The following GLIS3 variants were observed in gnomAD, a reference collection of about 807,000 sequenced individuals.
GLIS3 encodes the protein GLIS family zinc finger 3.
Under a neutral mutation model 78.6 loss-of-function variants are expected in GLIS3, and 53 were observed. The observed-to-expected ratio is 0.67, with a 90% CI of 0.54 to 0.85. The LOEUF (loss-of-function observed/expected upper bound fraction) is 0.85. Among genes scored for constraint, GLIS3 ranks in the 40% least tolerant of loss-of-function variants. GLIS3 has a pLI of 0.00. For synonymous variants in GLIS3, 684 were observed against 509.9 expected (o/e 1.34, Z -4.60); for missense variants, 1,703 against 1,231.1 (o/e 1.38, Z -5.74).
intron 2 of GLIS3, among the ~76,000 whole-genome samples, chr9:4,168,460 C>A (rs1050506670): frequency 1.3e-5 from 2 of 152,140 alleles, no homozygotes; most frequent in Non-Finnish European, 2.9e-5. Flanking sequence ...AATGTTCCCA[C>A]AACAAAGTCA....
intron 4 of GLIS3, among the ~76,000 whole-genome samples, chr9:4,010,944 G>C (rs1268741050): frequency 2.0e-5 from 3 of 152,150 alleles, no homozygotes; most frequent in Non-Finnish European, 4.4e-5. Flanking sequence ...CATGTGTATG[G>C]ATGTACTTAG....
At chr9:3,832,076 C>A in intron 9 of GLIS3, among the ~76,000 whole-genome samples, 1 of 151,808 alleles carries the variant, frequency 6.6e-6, no homozygotes, top group Non-Finnish European at 1.5e-5. Flanking sequence ...TGGCAAATTA[C>A]TTAGCTTCTT....
intron 4 of GLIS3, among the ~76,000 whole-genome samples, chr9:4,113,346 G>A (rs1041147139): frequency 1.3e-5 from 2 of 151,948 alleles, no homozygotes; most frequent in South Asian, 4.2e-4. Context: ...GCTTCTCTAG[G>A]GTAGGCACCT....
chr9:4,187,111 G>A (rs1817877577), intron 2 of GLIS3, among the ~76,000 whole-genome samples: 3 of 152,112 alleles, frequency 2.0e-5, no homozygotes, highest in African/African-American at 7.2e-5. Flanking sequence ...TTTTCTTCCA[G>A]GGTTTTTATG....
chr9:3,845,733 A>T lies in GLIS3; in HGVS notation c.2473+10276T>A, dbSNP rs138998892. 5.6e-3 allele frequency among the ~76,000 whole-genome samples: 850 copies of T among 152,280 alleles called. 6 individuals are homozygous for T. The highest frequency in any genetic ancestry group is 0.017 in the Middle Eastern group (5 of 294). The stretch of plus-strand genomic sequence containing the variant: ...TGTACACATACACACGTGCATGCCC[A>T]CGCACGCACACACACACCCACACAC... On this transcript the variant is annotated intron_variant, in intron 9 of 10. Coordinates refer to ENST00000381971, the MANE Select transcript of GLIS3 (RefSeq NM_001042413.2).
intron 2 of GLIS3, among the ~76,000 whole-genome samples, chr9:4,181,089 G>A (rs1054863555): frequency 3.9e-4 from 59 of 152,216 alleles, no homozygotes; most frequent in Non-Finnish European, 3.1e-4. Context: ...ACTCTAAGAT[G>A]AGCAGATGCC....
intron 4 of GLIS3, among the ~76,000 whole-genome samples, chr9:4,083,490 T>C (rs1369097216): frequency 2.0e-5 from 3 of 152,202 alleles, no homozygotes; most frequent in Non-Finnish European, 2.9e-5. Context: ...TGTTGCCATT[T>C]ATGTTGTTCA....
chr9:4,335,898 G>T (rs1817749607), intron 2 of GLIS3, among the ~76,000 whole-genome samples: 1 of 152,134 alleles, frequency 6.6e-6, no homozygotes, highest in Non-Finnish European at 1.5e-5. Flanking sequence ...AATTCAGTTA[G>T]TTAATACAGA....
At chr9:4,432,794 C>G in the GLIS3 span, among the ~76,000 whole-genome samples, 2 of 151,944 alleles carry the variant, frequency 1.3e-5, no homozygotes, top group African/African-American at 4.8e-5. Flanking sequence ...GCGCCCGCCA[C>G]CACGCCCGGC....
chr9:4,454,744 A>G, the GLIS3 span, among the ~76,000 whole-genome samples: 1 of 152,186 alleles, frequency 6.6e-6, no homozygotes, highest in African/African-American at 2.4e-5. Context: ...AGGTCGGGAC[A>G]GTTAGGTTCT....
At chr9:3,980,632 A>G (rs907263202) in intron 4 of GLIS3, among the ~76,000 whole-genome samples, 1 of 152,174 alleles carries the variant, frequency 6.6e-6, no homozygotes, top group African/African-American at 2.4e-5. Flanking sequence ...GTATGTTCAG[A>G]GTGATAATGT....
At chr9:3,926,188 T>C (rs534818880) in intron 6 of GLIS3, among the ~76,000 whole-genome samples, 1 of 152,056 alleles carries the variant, frequency 6.6e-6, no homozygotes, top group South Asian at 2.1e-4. Flanking sequence ...TAAAAGCTCA[T>C]ACAGGAAGGT....
At chr9:4,230,471 G>A (rs376112713) in intron 2 of GLIS3, among the ~76,000 whole-genome samples, 1 of 152,164 alleles carries the variant, frequency 6.6e-6, no homozygotes, top group East Asian at 1.9e-4. Flanking sequence ...CCACACATTT[G>A]TAAAAGAAAG....
chr9:4,234,586 C>T (rs10814895), intron 2 of GLIS3, among the ~76,000 whole-genome samples: 36,430 of 151,948 alleles, frequency 0.24, 5,103 homozygotes, highest in Middle Eastern at 0.34. Context: ...ATAATAACAA[C>T]GGAAAAGTTT....
the GLIS3 span, among the ~76,000 whole-genome samples, chr9:4,389,518 G>A: frequency 6.6e-6 from 1 of 152,158 alleles, no homozygotes; most frequent in Non-Finnish European, 1.5e-5. Context: ...TGGTCCTGTA[G>A]AGTCTGCATT....
At chr9:3,953,772 T>TA (rs1257921711) in intron 4 of GLIS3, among the ~76,000 whole-genome samples, 4 of 35,764 alleles carry the variant, frequency 1.1e-4, no homozygotes, top group African/African-American at 4.5e-4. Flanking sequence ...TCTCTCTCTC[T>TA]CTCTCTCTCT....
At chr9:4,242,218 C>T (rs140950642) in intron 2 of GLIS3, among the ~76,000 whole-genome samples, 128 of 152,128 alleles carry the variant, frequency 8.4e-4, no homozygotes, top group Non-Finnish European at 1.5e-3. Flanking sequence ...TTTGGATAAA[C>T]GCTACCATTT....
chr9:4,221,537 G>C (rs1036241197), intron 2 of GLIS3, among the ~76,000 whole-genome samples: 5 of 151,980 alleles, frequency 3.3e-5, no homozygotes, highest in African/African-American at 1.2e-4. Context: ...TGAAGCAAGA[G>C]GCTTCGAAAT....
At chr9:4,312,436 C>G (rs1285548652) in intron 2 of GLIS3, among the ~76,000 whole-genome samples, 1 of 152,202 alleles carries the variant, frequency 6.6e-6, no homozygotes, top group African/African-American at 2.4e-5. Flanking sequence ...CCACTTCACT[C>G]CAGCCTGGGT....
Sources: allele counts gnomAD v4.1 joint callset (sites outside exome capture counted in the v4.1 genomes callset), GRCh38; gene constraint gnomAD v4.1.1; transcripts MANE v1.5; gene names NCBI Gene and HGNC (gene_info 2026-07-23, HGNC 2026-07-21).